The following CYSLTR1 variants were observed in gnomAD, a reference collection of about 807,000 sequenced individuals.
The protein encoded by CYSLTR1 is G-protein coupled receptor HG55.
In CYSLTR1, 1 loss-of-function variant was observed where a neutral mutation model predicts 2.1. The observed-to-expected ratio is 0.48, with a 90% confidence interval of 0.17 to 2.28. The LOEUF (loss-of-function observed/expected upper bound fraction) is 2.28. Among genes scored for constraint, CYSLTR1 ranks in the 30% most tolerant of loss-of-function variants. The probability of loss-of-function intolerance (pLI) is 0.26; values close to 1 mark genes in which losing one functional copy is unlikely to be tolerated. For synonymous variants in CYSLTR1, 110 were observed against 89.6 expected, an observed-to-expected ratio of 1.23 and a Z score of -1.28; for missense variants, 299 against 250.1, an observed-to-expected ratio of 1.20 and a Z score of -1.32.
intron 1 of CYSLTR1, among the ~76,000 whole-genome samples, chrX:78,324,392 G>A (rs1923785735): frequency 8.9e-6 from 1 of 111,907 alleles, no homozygotes; most frequent in African/African-American, 3.2e-5. Flanking sequence ...TTTTTGAGAC[G>A]GAGTCTCGCT....
chrX:78,306,383 C>T (rs1023360190), intron 1 of CYSLTR1, among the ~76,000 whole-genome samples: 1 of 110,841 alleles, frequency 9.0e-6, no homozygotes, highest in African/African-American at 3.3e-5. Flanking sequence ...AGGTTGGTCT[C>T]GATCTCCTGA....
chrX:78,318,152 T>C (rs780940077), intron 1 of CYSLTR1, among the ~76,000 whole-genome samples: 1 of 111,916 alleles, frequency 8.9e-6, no homozygotes, highest in East Asian at 2.8e-4. Flanking sequence ...CCATCAATGG[T>C]AGACTGAATA....
chrX:78,320,283 T>C (rs1476783683), intron 1 of CYSLTR1: 1 of 112,029 alleles, frequency 8.9e-6, no homozygotes, highest in African/African-American at 3.3e-5. Flanking sequence ...AATTAATTTT[T>C]GTATAAGGTG....
intron 1 of CYSLTR1, among the ~76,000 whole-genome samples, chrX:78,296,546 AT>A (rs751389492): frequency 4.5e-4 from 50 of 111,882 alleles, no homozygotes; most frequent in African/African-American, 1.6e-3. Context: ...ATATCTTTCT[AT>A]TTTTTGGTAT....
intron 1 of CYSLTR1, among the ~76,000 whole-genome samples, chrX:78,285,838 T>A (rs1014118127): frequency 4.5e-5 from 5 of 111,981 alleles, no homozygotes; most frequent in African/African-American, 1.6e-4. Flanking sequence ...TTCAGTTCCT[T>A]GAGGACTCTT....
chrX:78,296,980 GA>G (rs1381285395), intron 1 of CYSLTR1, among the ~76,000 whole-genome samples: 1 of 111,378 alleles, frequency 9.0e-6, no homozygotes, highest in African/African-American at 3.3e-5. Flanking sequence ...GATCTTAGAG[GA>G]AAGACTTTTA....
chrX:78,284,528 G>A (rs1027848388), intron 1 of CYSLTR1, among the ~76,000 whole-genome samples: 1 of 111,013 alleles, frequency 9.0e-6, no homozygotes, highest in Non-Finnish European at 1.9e-5. Context: ...AGCCTCCTGA[G>A]TAGCTGGGAT....
At chrX:78,274,070 A>G (rs1358702910) in intron 2 of CYSLTR1, among the ~76,000 whole-genome samples, 2 of 111,735 alleles carry the variant, frequency 1.8e-5, no homozygotes, top group African/African-American at 6.5e-5. Flanking sequence ...ATACTACTGT[A>G]GTACAATTCG....
At chrX:78,280,930 G>T (rs995607258) in intron 2 of CYSLTR1, among the ~76,000 whole-genome samples, 29 of 111,961 alleles carry the variant, frequency 2.6e-4, no homozygotes, top group African/African-American at 9.1e-4. Context: ...CTTTTTTATG[G>T]CTGCATAGTA....
rs997119472 is a variant in CYSLTR1 at position 78,271,861 on chromosome X, C to G, written c.*872G>C. The G allele has an allele frequency of 7.1e-5, 8 of 112,332 alleles. No individual in the cohort carries two copies. The East Asian group carries it at 1.4e-3, about 19-fold the overall frequency. The allele number at this position is 112,332 out of a possible 1,213,427, so 9.3% of individuals were successfully genotyped here. A position where few individuals can be genotyped will look rare whatever the true frequency, so the allele number is the denominator to read the frequency against. On this transcript the variant is annotated 3_prime_UTR_variant, in exon 3 of 3. Transcript: ENST00000373304. Reference sequence around the variant, plus strand: ...CCTTTGTAGTTTATTTTGATCCCAGCAATTGGCATATAGAAAAGTAGATTC... The same window carrying G: ...CCTTTGTAGTTTATTTTGATCCCAGGAATTGGCATATAGAAAAGTAGATTC...
chrX:78,280,530 G>C (rs996051607), intron 2 of CYSLTR1, among the ~76,000 whole-genome samples: 3 of 106,564 alleles, frequency 2.8e-5, no homozygotes, highest in South Asian at 8.7e-4. Flanking sequence ...TGTGTTGGGG[G>C]GGGGGTAAGA....
At chrX:78,275,400 TA>T (rs1007825085) in intron 2 of CYSLTR1, among the ~76,000 whole-genome samples, 7 of 111,653 alleles carry the variant, frequency 6.3e-5, no homozygotes, top group African/African-American at 2.3e-4. Flanking sequence ...TATGCAGCCA[TA>T]AAAAATGATG....
At chrX:78,299,866 T>C (rs1456158190) in intron 1 of CYSLTR1, among the ~76,000 whole-genome samples, 2 of 111,732 alleles carry the variant, frequency 1.8e-5, no homozygotes, top group African/African-American at 6.5e-5. Flanking sequence ...TACTATCCCT[T>C]TGAACATGCT....
At chrX:78,296,781 GA>G (rs1922593347) in intron 1 of CYSLTR1, among the ~76,000 whole-genome samples, 2 of 111,610 alleles carry the variant, frequency 1.8e-5, no homozygotes, top group Admixed American at 9.5e-5. Flanking sequence ...CAGTTCTAAT[GA>G]TTTTTTTGTG....
rs2149185247 is a variant in CYSLTR1 at position 78,283,553 on chromosome X, G to T, written c.-114-13C>A. The T allele has an allele frequency of 8.9e-6, 1 of 112,209 alleles. No individual in the cohort carries two copies. Among genetic ancestry groups the T allele is most frequent in the South Asian group, 3.7e-4 (1 of 2,692 alleles). 9.2% of individuals were successfully genotyped at this position (112,209 alleles called of 1,213,427 possible). ...GAGGAAGCCCACGCTGAAATCATAAGATTGAAAAGGCAGTTAACAACTGTA... is the reference window on the plus strand; with the variant it reads ...GAGGAAGCCCACGCTGAAATCATAATATTGAAAAGGCAGTTAACAACTGTA... On this transcript the variant is annotated splice_polypyrimidine_tract_variant and intron_variant, in intron 1 of 2. Coordinates refer to ENST00000373304, the MANE Select transcript of CYSLTR1 (RefSeq NM_006639.4).
intron 1 of CYSLTR1, among the ~76,000 whole-genome samples, chrX:78,302,994 C>T (rs895924604): frequency 3.6e-5 from 4 of 111,493 alleles, no homozygotes; most frequent in African/African-American, 1.3e-4. Context: ...TTAGGACTCT[C>T]CTAGGAGTTG....
chrX:78,320,186 T>A (rs1389461876), intron 1 of CYSLTR1: 3 of 112,317 alleles, frequency 2.7e-5, no homozygotes, highest in Non-Finnish European at 3.8e-5. Flanking sequence ...TACTTGCCCA[T>A]GCCTATGTCC....
In CYSLTR1 at chrX:78,296,949, G is replaced by A. The variant is rs1922599763; in HGVS notation, c.-114-13409C>T. ...TATGTTGAATAATTGTGGTGGAAGTGGGCATCCTTGTTTTGTTCCAGATCT... is the reference window on the plus strand; with the variant it reads ...TATGTTGAATAATTGTGGTGGAAGTAGGCATCCTTGTTTTGTTCCAGATCT... On this transcript the variant is annotated intron_variant, in intron 1 of 2. Transcript: ENST00000373304. Among the ~76,000 whole-genome samples, 4 of 111,294 alleles carry A rather than the reference G, an allele frequency of 3.6e-5. No individual in the cohort carries two copies. In the South Asian group the frequency reaches 1.5e-3, roughly 42 times the overall value.
At chrX:78,298,677 G>T (rs958144867) in intron 1 of CYSLTR1, among the ~76,000 whole-genome samples, 7 of 111,327 alleles carry the variant, frequency 6.3e-5, no homozygotes, top group Non-Finnish European at 9.5e-5. Context: ...TTTGTCTGTT[G>T]TAAGTATAGT....
Sources: allele counts gnomAD v4.1 joint callset (sites outside exome capture counted in the v4.1 genomes callset), GRCh38; gene constraint gnomAD v4.1.1; transcripts MANE v1.5; gene names NCBI Gene and HGNC (gene_info 2026-07-23, HGNC 2026-07-21).